Variants in ERC1 observed in about 807,000 individuals in gnomAD.
ERC1 encodes the protein ELKS/RAB6-interacting/CAST family member 1.
In ERC1, 56 loss-of-function variants were observed where a neutral mutation model predicts 132.0. The ratio of observed to expected loss-of-function variants is 0.42; its 90% CI spans 0.34 to 0.53. ERC1 has a LOEUF of 0.53. Ranked by LOEUF, ERC1 falls within the 20% of genes least tolerant of loss-of-function variation. ERC1 has a pLI of 0.03. For missense variants in ERC1, 1,202 were observed against 1,349.9 expected (o/e 0.89, Z 1.72); for synonymous variants, 478 against 476.1 (o/e 1.00, Z -0.05).
chr12:1,377,830 A>G (rs1566718221), intron 16 of ERC1, among the ~76,000 whole-genome samples: 1 of 152,160 alleles, frequency 6.6e-6, no homozygotes, highest in Non-Finnish European at 1.5e-5. Flanking sequence ...CATTATTTGG[A>G]CTAAAATTTC....
intron 1 of ERC1, chr12:998,520 C>G (rs983814053): frequency 6.6e-6 from 1 of 152,338 alleles, no homozygotes; most frequent in South Asian, 2.1e-4. Context: ...CGTACGACTA[C>G]TTAAAATATG....
chr12:1,288,004 A>G (rs1417686851), intron 14 of ERC1, among the ~76,000 whole-genome samples: 2 of 152,348 alleles, frequency 1.3e-5, no homozygotes, highest in African/African-American at 2.4e-5. Context: ...AATAAAAAGG[A>G]GCCAGAATAG....
At chr12:1,398,619 A>T (rs1376938409) in intron 16 of ERC1, among the ~76,000 whole-genome samples, 1 of 152,240 alleles carries the variant, frequency 6.6e-6, no homozygotes, top group Non-Finnish European at 1.5e-5. Context: ...CCACAGCCGG[A>T]TTGTGGTTTC....
chr12:1,176,386 GGGCT>G (rs1393331382), intron 8 of ERC1, among the ~76,000 whole-genome samples: 1 of 152,072 alleles, frequency 6.6e-6, no homozygotes, highest in Non-Finnish European at 1.5e-5. Context: ...GTAAACAGAT[GGGCT>G]GTGATAGAGG....
chr12:1,095,558 C>G (rs1411368953), intron 3 of ERC1, among the ~76,000 whole-genome samples: 1 of 151,640 alleles, frequency 6.6e-6, no homozygotes. Flanking sequence ...CAAAAAAAGA[C>G]AAATAGACTA....
chr12:1,139,503 T>TA, intron 7 of ERC1, among the ~76,000 whole-genome samples: 1 of 152,284 alleles, frequency 6.6e-6, no homozygotes, highest in South Asian at 2.1e-4. Context: ...ATGTAATAGG[T>TA]ATGTATATAG....
At chr12:1,383,943 TA>T (rs1164917302) in intron 16 of ERC1, among the ~76,000 whole-genome samples, 1 of 152,182 alleles carries the variant, frequency 6.6e-6, no homozygotes, top group Admixed American at 6.5e-5. Flanking sequence ...GGAAAGAGGT[TA>T]AGTAACTTGC....
chr12:1,386,700 A>G (rs1288441688), intron 16 of ERC1: 1 of 150,192 alleles, frequency 6.7e-6, no homozygotes, highest in African/African-American at 2.5e-5. Context: ...TATACATGTC[A>G]GTGAAATTTT....
intron 3 of ERC1, among the ~76,000 whole-genome samples, chr12:1,100,874 A>T (rs1186080966): frequency 2.0e-5 from 3 of 152,220 alleles, no homozygotes. Context: ...GGGAATGAGT[A>T]TAGGTGGAAA....
intron 16 of ERC1, among the ~76,000 whole-genome samples, chr12:1,381,406 C>T (rs557512597): frequency 2.2e-4 from 33 of 152,092 alleles, no homozygotes; most frequent in Non-Finnish European, 4.1e-4. Flanking sequence ...GGCTGGAGTG[C>T]GGTGTGCAGT....
chr12:1,119,238 T>G (rs1946787369), intron 7 of ERC1, among the ~76,000 whole-genome samples: 1 of 148,292 alleles, frequency 6.7e-6, no homozygotes, highest in South Asian at 2.1e-4. Context: ...AAAAGATCTG[T>G]TTGTTTTTTG....
intron 14 of ERC1, among the ~76,000 whole-genome samples, chr12:1,269,199 A>G (rs955118730): frequency 1.5e-4 from 23 of 152,230 alleles, no homozygotes; most frequent in African/African-American, 5.1e-4. Flanking sequence ...GGACACAGAC[A>G]CTAACCCAAC....
At chr12:1,097,942 T>C (rs1042592151) in intron 3 of ERC1, among the ~76,000 whole-genome samples, 1 of 152,200 alleles carries the variant, frequency 6.6e-6, no homozygotes, top group East Asian at 1.9e-4. Context: ...CTTGAACTCC[T>C]GGCCTCAAGT....
chr12:1,336,996 G>A (rs12099759), intron 15 of ERC1, among the ~76,000 whole-genome samples: 8,800 of 151,994 alleles, frequency 0.058, 408 homozygotes, highest in African/African-American at 0.12. Flanking sequence ...TTGTATTTTT[G>A]GTAGAAACAG....
At chr12:1,307,658 A>G (rs2080984074) in intron 15 of ERC1, among the ~76,000 whole-genome samples, 1 of 152,080 alleles carries the variant, frequency 6.6e-6, no homozygotes, top group Non-Finnish European at 1.5e-5. Context: ...GTCACCAATC[A>G]CTGTTTAGGT....
At chr12:1,324,502 G>A (rs923561552) in intron 15 of ERC1, among the ~76,000 whole-genome samples, 7 of 152,098 alleles carry the variant, frequency 4.6e-5, no homozygotes, top group East Asian at 1.9e-4. Flanking sequence ...TTCTCTCAAC[G>A]TAACAAGCCA....
chr12:1,450,149 CT>C (rs918981902), intron 18 of ERC1, among the ~76,000 whole-genome samples: 66 of 152,198 alleles, frequency 4.3e-4, no homozygotes, highest in African/African-American at 1.4e-3. Context: ...AATCAGTTAT[CT>C]TTTTTTATTG....
chr12:1,124,888 A>G (rs1947981822), intron 7 of ERC1, among the ~76,000 whole-genome samples: 2 of 152,220 alleles, frequency 1.3e-5, no homozygotes, highest in Non-Finnish European at 2.9e-5. Flanking sequence ...AAGAGAAAAC[A>G]TGAACAACAG....
At chr12:1,148,211 A>G (rs1035899359) in intron 8 of ERC1, among the ~76,000 whole-genome samples, 1 of 152,240 alleles carries the variant, frequency 6.6e-6, no homozygotes, top group South Asian at 2.1e-4. Context: ...CCATTTTCAC[A>G]CTGCTATAAA....
Sources: gnomAD v4.1 joint callset for allele counts (sites outside exome capture counted in the v4.1 genomes callset) on GRCh38, gnomAD v4.1.1 for gene constraint, MANE v1.5 for transcripts, NCBI Gene and HGNC (gene_info 2026-07-23, HGNC 2026-07-21) for gene names.